The following SERTM1 variants were observed in gnomAD, a reference collection of about 807,000 sequenced individuals.
SERTM1 encodes serine rich and transmembrane domain containing 1, also known as serine-rich and transmembrane domain-containing protein 1.
In SERTM1, 1 loss-of-function variant was observed where a neutral mutation model predicts 5.5. The observed-to-expected ratio is 0.18, with a 90% CI of 0.06 to 0.86. The LOEUF (loss-of-function observed/expected upper bound fraction) is 0.86. SERTM1 is among the 40% of genes least tolerant of loss of function. The pLI is 0.69. For synonymous variants in SERTM1, 52 were observed against 55.1 expected (o/e 0.94, Z 0.25); for missense variants, 91 against 122.4 (o/e 0.74, Z 1.21).
At chr13:36,674,382 T>A (rs547225963) in intron 1 of SERTM1, among the ~76,000 whole-genome samples, 198 bp downstream of exon 1, 2 of 152,052 alleles carry the variant, frequency 1.3e-5, no homozygotes, top group Admixed American at 6.5e-5. Context: ...TGAGGTGTCC[T>A]TACTGTCCCG....
chr13:36,689,435 G>A (rs2056763353), intron 1 of SERTM1, among the ~76,000 whole-genome samples: 1 of 151,324 alleles, frequency 6.6e-6, no homozygotes, highest in African/African-American at 2.4e-5. Context: ...AACCCGGGAG[G>A]CAGAGGTTGC....
chr13:36,678,932 G>A (rs147268853), intron 1 of SERTM1, among the ~76,000 whole-genome samples: 221 of 152,014 alleles, frequency 1.5e-3, no homozygotes, highest in Admixed American at 2.6e-3. Flanking sequence ...TGTGAAAAGA[G>A]AAGCATTCAA....
intron 1 of SERTM1, among the ~76,000 whole-genome samples, chr13:36,689,727 A>T (rs189214511): frequency 0.01 from 1,562 of 151,602 alleles, 28 homozygotes; most frequent in African/African-American, 0.036. Flanking sequence ...ATCAAGAAAG[A>T]TATATTGTGA....
chr13:36,675,214 G>C lies in SERTM1; in HGVS notation c.-174+1030G>C, dbSNP rs117158819. Among the ~76,000 whole-genome samples, 16 of 142,224 alleles carry C rather than the reference G, an allele frequency of 1.1e-4. No homozygotes were observed. The East Asian group carries it at 3.0e-3, about 27-fold the overall frequency. 93.3% of individuals were successfully genotyped at this position (142,224 alleles called of 152,430 possible). A position where few individuals can be genotyped will look rare whatever the true frequency, so the allele number is the denominator to read the frequency against. ...TTCGGAAAATGTTCTGCTAAAGTAA[G>C]TACTTCAGTGTTCTTTGTGGTAAAT... is the stretch of plus-strand genomic sequence containing the variant. On this transcript the variant is annotated intron_variant, in intron 1 of 1. Coordinates refer to ENST00000315190, the MANE Select transcript of SERTM1 (RefSeq NM_203451.3).
At chr13:36,679,114 A>G (rs1237961662) in intron 1 of SERTM1, among the ~76,000 whole-genome samples, 1 of 152,222 alleles carries the variant, frequency 6.6e-6, no homozygotes, top group Non-Finnish European at 1.5e-5. Context: ...TATGTGTTCA[A>G]TTTGACACAC....
At chr13:36,680,846 G>C (rs577205922) in intron 1 of SERTM1, among the ~76,000 whole-genome samples, 1 of 151,638 alleles carries the variant, frequency 6.6e-6, no homozygotes, top group African/African-American at 2.4e-5. Flanking sequence ...TCCGCCTCCC[G>C]GTTCAAGCGA....
rs765476413 is a variant in SERTM1 at position 36,678,679 on chromosome 13, T to TTATA, written c.-174+4508_-174+4511dup. On this transcript the variant is annotated intron_variant, in intron 1 of 1. Transcript: ENST00000315190. ...CCTGGAACTTAAAATAAAATAAAAT[T>TTATA]TATATATATATATATAAAATATAGT... Among the ~76,000 whole-genome samples, 236 of 133,730 alleles carry TTATA rather than the reference T, an allele frequency of 1.8e-3. 4 individuals carry two copies. Among genetic ancestry groups the TTATA allele is most frequent in the African/African-American group, 6.2e-3 (222 of 35,534 alleles). 87.7% of individuals were successfully genotyped at this position (133,730 alleles called of 152,430 possible).
At chr13:36,690,267 A>G (rs1393631484) in intron 1 of SERTM1, among the ~76,000 whole-genome samples, 1 of 152,184 alleles carries the variant, frequency 6.6e-6, no homozygotes, top group Non-Finnish European at 1.5e-5. Context: ...TATCATGCCA[A>G]TTGAAGGACT....
At chr13:36,689,931 C>A (rs746368707) in intron 1 of SERTM1, among the ~76,000 whole-genome samples, 2 of 151,914 alleles carry the variant, frequency 1.3e-5, no homozygotes, top group Non-Finnish European at 1.5e-5. Context: ...GAGACTGGGC[C>A]GAACCCAAAG....
chr13:36,691,694 TG>T (rs1461305441), intron 1 of SERTM1, among the ~76,000 whole-genome samples: 2 of 152,202 alleles, frequency 1.3e-5, no homozygotes, highest in East Asian at 3.9e-4. Context: ...CTGCTGGCGC[TG>T]CCCCGAGACA....
chr13:36,693,994 AC>A (rs1245534193), intron 1 of SERTM1, among the ~76,000 whole-genome samples: 1 of 152,050 alleles, frequency 6.6e-6, no homozygotes, highest in Non-Finnish European at 1.5e-5. Context: ...ACAATACCCT[AC>A]ACCCACCCAT....
At chr13:36,692,419 T>C (rs1433763784) in intron 1 of SERTM1, among the ~76,000 whole-genome samples, 3 of 152,222 alleles carry the variant, frequency 2.0e-5, no homozygotes, top group African/African-American at 7.2e-5. Context: ...CAGAGTGACA[T>C]TGCCTGTGCC....
At chr13:36,690,827 G>T (rs749892502) in intron 1 of SERTM1, among the ~76,000 whole-genome samples, 1 of 152,020 alleles carries the variant, frequency 6.6e-6, no homozygotes, top group Non-Finnish European at 1.5e-5. Context: ...ATACTTTGTG[G>T]CCACTTTCCT....
At chr13:36,691,203 GTCAACTCT>G (rs1409553653) in intron 1 of SERTM1, among the ~76,000 whole-genome samples, 1 of 152,168 alleles carries the variant, frequency 6.6e-6, no homozygotes, top group African/African-American at 2.4e-5. Flanking sequence ...ATGAGAGCTG[GTCAACTCT>G]TCTTCATTTA....
At chr13:36,675,897 G>A (rs1038574366) in intron 1 of SERTM1, among the ~76,000 whole-genome samples, 2 of 152,110 alleles carry the variant, frequency 1.3e-5, no homozygotes, top group African/African-American at 2.4e-5. Context: ...TGGCTTTGAG[G>A]GGCTTATTAT....
chr13:36,679,508 A>G (rs926712910), intron 1 of SERTM1, among the ~76,000 whole-genome samples: 1 of 152,138 alleles, frequency 6.6e-6, no homozygotes. Context: ...CCCACGTTCA[A>G]GCGATTCTCC....
chr13:36,677,085 C>T (rs749849441), intron 1 of SERTM1, among the ~76,000 whole-genome samples: 2 of 152,150 alleles, frequency 1.3e-5, no homozygotes, highest in Non-Finnish European at 2.9e-5. Context: ...TGTTCTGATT[C>T]TGATTTGTGG....
chr13:36,691,505 A>T (rs546546706), intron 1 of SERTM1, among the ~76,000 whole-genome samples: 179 of 152,244 alleles, frequency 1.2e-3, no homozygotes, highest in African/African-American at 4.2e-3. Flanking sequence ...ATTACAAGAG[A>T]CAAAGGGAAA....
chr13:36,683,938 G>A (rs560965670), intron 1 of SERTM1, among the ~76,000 whole-genome samples: 14 of 152,302 alleles, frequency 9.2e-5, no homozygotes, highest in South Asian at 4.1e-4. Context: ...ATTTGGAGAC[G>A]GAGAGATGTA....
Sources: allele counts gnomAD v4.1 joint callset (sites outside exome capture counted in the v4.1 genomes callset), GRCh38; gene constraint gnomAD v4.1.1; transcripts MANE v1.5; gene names NCBI Gene and HGNC (gene_info 2026-07-23, HGNC 2026-07-21).